The following PTH2R variants were observed in gnomAD, a reference collection of about 807,000 sequenced individuals.
PTH2R encodes parathyroid hormone 2 receptor.
Under a neutral mutation model 60.3 loss-of-function variants are expected in PTH2R, and 59 were observed. The observed-to-expected ratio is 0.98, with a 90% CI of 0.79 to 1.22. The LOEUF (loss-of-function observed/expected upper bound fraction) is 1.22, where lower values mean the gene tolerates loss of function less well. PTH2R is among the 50% of genes most tolerant of loss of function. PTH2R has a pLI of 0.00. For synonymous variants in PTH2R, 256 were observed against 243.8 expected, an observed-to-expected ratio of 1.05 and a Z score of -0.47; for missense variants, 749 against 682.6, an observed-to-expected ratio of 1.10 and a Z score of -1.08.
upstream of PTH2R, among the ~76,000 whole-genome samples, chr2:208,405,924 C>T (rs780694504): frequency 1.6e-4 from 25 of 152,162 alleles, no homozygotes; most frequent in Non-Finnish European, 3.1e-4. Flanking sequence ...ACTGAATCTG[C>T]CAGCACTTTG....
exon 1 of PTH2R, chr2:208,360,012 C>G: frequency 3.0e-6 from 1 of 332,040 alleles, no homozygotes; most frequent in South Asian, 2.5e-5. Context: ...TCTCCAGTCC[C>G]TATCCACCCA....
chr2:208,430,947 C>T (rs1383385335), intron 2 of PTH2R, among the ~76,000 whole-genome samples: 1 of 152,018 alleles, frequency 6.6e-6, no homozygotes, highest in Admixed American at 6.6e-5. Context: ...CATTGGATTT[C>T]CTGAATCTGT....
chr2:208,444,708 A>G, intron 6 of PTH2R, 26 bp from the exon 7 acceptor site: 6 of 1,605,902 alleles, frequency 3.7e-6, no homozygotes, highest in Non-Finnish European at 5.1e-6. Context: ...TTCTAATATG[A>G]TGAAATTCTG....
chr2:208,418,797 C>G (rs1404535804), intron 1 of PTH2R, among the ~76,000 whole-genome samples: 1 of 152,098 alleles, frequency 6.6e-6, no homozygotes, highest in Non-Finnish European at 1.5e-5. Context: ...GTTTTTCTTA[C>G]TTCACAATAC....
chr2:208,419,985 G>A (rs1701720866), intron 1 of PTH2R, among the ~76,000 whole-genome samples: 1 of 152,132 alleles, frequency 6.6e-6, no homozygotes, highest in African/African-American at 2.4e-5. Context: ...GTCCTTTGTA[G>A]GGACATGGAT....
chr2:208,487,607 A>G (rs1184746056), intron 10 of PTH2R, among the ~76,000 whole-genome samples: 1 of 152,208 alleles, frequency 6.6e-6, no homozygotes, highest in Non-Finnish European at 1.5e-5. Context: ...TAGCGGCTTA[A>G]AACAACTCCC....
At chr2:208,444,680 A>G in intron 6 of PTH2R, 54 bp from the exon 7 acceptor site, 5 of 1,540,020 alleles carry the variant, frequency 3.2e-6, no homozygotes, top group South Asian at 1.2e-5. Context: ...TAATGTTGGC[A>G]TCCAGTACAA....
intron 7 of PTH2R, among the ~76,000 whole-genome samples, chr2:208,445,235 A>G (rs1702266174): frequency 6.6e-6 from 1 of 152,114 alleles, no homozygotes; most frequent in Admixed American, 6.5e-5. Context: ...AAAATTTTTT[A>G]TTTTTGAATT....
intron 1 of PTH2R, chr2:208,360,277 G>A: frequency 4.8e-6 from 2 of 418,616 alleles, no homozygotes; most frequent in South Asian, 3.4e-5. Context: ...CCTTCTGCGT[G>A]AGCAGCCCCT....
intron 1 of PTH2R, among the ~76,000 whole-genome samples, chr2:208,372,732 G>A (rs1050036994): frequency 6.6e-6 from 1 of 152,024 alleles, no homozygotes; most frequent in Non-Finnish European, 1.5e-5. Flanking sequence ...AGTACACAAA[G>A]AATTCTATTA....
At position 208,437,794 on chromosome 2, in the gene PTH2R, A is replaced by T. The variant is rs368335663; in HGVS notation, c.324A>T (p.Thr108=). 25 of 1,613,904 alleles carry T rather than the reference A, an allele frequency of 1.5e-5. No individual in the cohort carries two copies. The African/African-American group carries it at 3.1e-4, about 20-fold the overall frequency. Residue 108 remains threonine, a synonymous_variant, in exon 4 of 13, where the codon ACA becomes ACT. Transcript: ENST00000272847. ...VAFRHCNPNG[T]WDFMHSLNKT... ...TCCGACACTGTAACCCCAATGGAAC[A>T]TGGGATTTTATGCACAGCTTAAATA...
chr2:208,424,241 T>C (rs1198414968), intron 1 of PTH2R, among the ~76,000 whole-genome samples: 2 of 151,838 alleles, frequency 1.3e-5, no homozygotes, highest in East Asian at 3.9e-4. Context: ...TGAGAGGGAA[T>C]GTTTTAGTTC....
chr2:208,449,541 C>A (rs996292208), intron 7 of PTH2R, among the ~76,000 whole-genome samples: 1 of 151,710 alleles, frequency 6.6e-6, no homozygotes, highest in Admixed American at 6.6e-5. Flanking sequence ...CAAAAAATTC[C>A]TAGAACACAG....
intron 5 of PTH2R, among the ~76,000 whole-genome samples, chr2:208,442,988 A>G (rs547543991): frequency 6.6e-6 from 1 of 152,288 alleles, no homozygotes; most frequent in African/African-American, 2.4e-5. Context: ...GATGGAAAAT[A>G]CTCAGAAAAA....
At chr2:208,388,137 C>CCG (rs986061486) in intron 1 of PTH2R, among the ~76,000 whole-genome samples, 2 of 149,440 alleles carry the variant, frequency 1.3e-5, no homozygotes, top group East Asian at 2.0e-4. Context: ...GTGAAACCCC[C>CCG]CCCCCCGTCT....
At chr2:208,491,578 G>A (rs1394580280) in intron 12 of PTH2R, among the ~76,000 whole-genome samples, 1 of 152,078 alleles carries the variant, frequency 6.6e-6, no homozygotes, top group Non-Finnish European at 1.5e-5. Context: ...GGCTTGGACT[G>A]CTTCTGTATC....
Position 208,490,628 on chromosome 2 carries a change from T to G in PTH2R, c.1216-11T>G. The G allele has an allele frequency of 6.2e-7, 1 of 1,609,054 alleles. No individual in the cohort carries two copies. The highest frequency in any genetic ancestry group is 8.5e-7 in the Non-Finnish European group (1 of 1,178,982). ...AGTTGGCAGTGGGCTGACTTTCTCT[T>G]TTGTCTGCAGGGTTTCTTTGTGTCT... On this transcript the variant is annotated splice_polypyrimidine_tract_variant and intron_variant, in intron 11 of 12. Coordinates refer to ENST00000272847, the MANE Select transcript of PTH2R (RefSeq NM_005048.4).
At chr2:208,392,598 T>G (rs1345855106) in intron 1 of PTH2R, among the ~76,000 whole-genome samples, 1 of 152,192 alleles carries the variant, frequency 6.6e-6, no homozygotes, top group African/African-American at 2.4e-5. Context: ...GGAGTGGGAC[T>G]TTTAGGCCTG....
chr2:208,427,414 A>G (rs1039565527), intron 1 of PTH2R, among the ~76,000 whole-genome samples: 1 of 152,138 alleles, frequency 6.6e-6, no homozygotes, highest in East Asian at 1.9e-4. Flanking sequence ...CTCAGAATCC[A>G]TGTTGTATTA....
Sources: allele counts gnomAD v4.1 joint callset (sites outside exome capture counted in the v4.1 genomes callset), GRCh38; gene constraint gnomAD v4.1.1; transcripts MANE v1.5; gene names NCBI Gene and HGNC (gene_info 2026-07-23, HGNC 2026-07-21).